Variants in RCAN3 observed in about 807,000 individuals in gnomAD.
RCAN3 encodes the protein regulator of calcineurin 3.
RCAN3 carries 19 observed loss-of-function variants against 21.9 expected under a neutral mutation model. The ratio of observed to expected loss-of-function variants is 0.87; its 90% CI spans 0.61 to 1.27. The LOEUF (loss-of-function observed/expected upper bound fraction) is 1.27. RCAN3 is among the 50% of genes most tolerant of loss of function. The pLI, the probability that RCAN3 is intolerant of heterozygous loss-of-function variation, is 0.00. For synonymous variants in RCAN3, 114 were observed against 112.3 expected, an observed-to-expected ratio of 1.01 and a Z score of -0.09; for missense variants, 240 against 300.1, an observed-to-expected ratio of 0.80 and a Z score of 1.48.
intron 1 of RCAN3, among the ~76,000 whole-genome samples, chr1:24,511,259 G>T (rs1472597429): frequency 6.6e-6 from 1 of 152,166 alleles, no homozygotes; most frequent in Non-Finnish European, 1.5e-5. Flanking sequence ...GCTGCAGTGA[G>T]CCAAGATAGC....
intron 1 of RCAN3, among the ~76,000 whole-genome samples, chr1:24,512,688 C>T (rs886834480): frequency 1.3e-5 from 2 of 152,134 alleles, no homozygotes; most frequent in Non-Finnish European, 2.9e-5. Flanking sequence ...GGAAAAATCA[C>T]AAATCAGGTG....
chr1:24,510,272 A>C (rs948446112), intron 1 of RCAN3, among the ~76,000 whole-genome samples: 2 of 152,208 alleles, frequency 1.3e-5, no homozygotes, highest in Non-Finnish European at 2.9e-5. Flanking sequence ...CTGTCCTTCG[A>C]AGCTTTGAAG....
chr1:24,531,977 G>C (rs567712570), intron 3 of RCAN3, among the ~76,000 whole-genome samples: 3 of 151,970 alleles, frequency 2.0e-5, no homozygotes, highest in Non-Finnish European at 2.9e-5. Context: ...GAGATTACTC[G>C]TGTATTAAAT....
At chr1:24,527,728 C>T (rs957760563) in intron 2 of RCAN3, among the ~76,000 whole-genome samples, 1 of 152,062 alleles carries the variant, frequency 6.6e-6, no homozygotes, top group African/African-American at 2.4e-5. Context: ...TTACCATTGC[C>T]AAGCCTAAGG....
chr1:24,526,182 C>G (rs1332433692), intron 2 of RCAN3, among the ~76,000 whole-genome samples: 2 of 152,084 alleles, frequency 1.3e-5, no homozygotes, highest in South Asian at 2.1e-4. Flanking sequence ...GCCTCGAACT[C>G]CTGGGTTCAA....
intron 1 of RCAN3, among the ~76,000 whole-genome samples, chr1:24,505,243 T>TTTTTTTTTTTTTTTTTTTTTTG: frequency 7.0e-6 from 1 of 143,242 alleles, no homozygotes; most frequent in Non-Finnish European, 1.5e-5. Flanking sequence ...TTTTTTTTTT[T>TTTTTTTTTTTTTTTTTTTTTTG]TTTTTTTTTT....
intron 1 of RCAN3, among the ~76,000 whole-genome samples, chr1:24,508,873 A>G (rs930931518): frequency 2.0e-5 from 3 of 152,196 alleles, no homozygotes; most frequent in Non-Finnish European, 4.4e-5. Context: ...AAAAAATACT[A>G]ATGATCGGTT....
chr1:24,505,225 C>CTTTTTTTTT lies in RCAN3; in HGVS notation c.-60+2081_-60+2082insTTTTTTTTT, dbSNP rs1351108344. ...GTTGTTGCTTTGTTTTTTTTTTTCT[C>CTTTTTTTTT]TTTTTTCTTTTTTTTTTTTTTTTTT... On this transcript the variant is annotated intron_variant, in intron 1 of 4. Transcript: ENST00000374395. Among the ~76,000 whole-genome samples the CTTTTTTTTT allele has an allele frequency of 4.7e-4, 51 of 109,542 alleles. 1 individual carries two copies. Among genetic ancestry groups the CTTTTTTTTT allele is most frequent in the East Asian group, 1.1e-3 (4 of 3,544 alleles). 71.9% of individuals were successfully genotyped at this position (109,542 alleles called of 152,430 possible). A position where few individuals can be genotyped will look rare whatever the true frequency, so the allele number is the denominator to read the frequency against.
intron 1 of RCAN3, 22 bp downstream of exon 1, chr1:24,503,172 G>A (rs1261559886): frequency 6.8e-6 from 1 of 147,584 alleles, no homozygotes; most frequent in African/African-American, 2.5e-5. Flanking sequence ...GCGCGGGGCG[G>A]GGCGGGGCGG....
In RCAN3 at chr1:24,537,396, A is replaced by T. The variant is rs1048573362; in HGVS notation, c.*2119A>T. On this transcript the variant is annotated 3_prime_UTR_variant, in exon 5 of 5. Coordinates refer to ENST00000374395, the MANE Select transcript of RCAN3 (RefSeq NM_013441.4). Reference sequence around the variant, plus strand: ...TTTCTAGTATAATATAATAAAATGAATTTTTTTAAAAAAGCTACTAAGTAC... The same window carrying T: ...TTTCTAGTATAATATAATAAAATGATTTTTTTTAAAAAAGCTACTAAGTAC... The T allele has an allele frequency of 3.9e-5, 6 of 152,080 alleles. No individual in the cohort carries two copies. The highest frequency in any genetic ancestry group is 1.4e-4 in the African/African-American group (6 of 41,426). 9.4% of individuals were successfully genotyped at this position (152,080 alleles called of 1,614,324 possible).
chr1:24,507,951 G>A lies in RCAN3; in HGVS notation c.-60+4801G>A, dbSNP rs953396208. Among the ~76,000 whole-genome samples the A allele has an allele frequency of 7.2e-5, 11 of 152,294 alleles. 1 individual carries two copies. The highest frequency in any genetic ancestry group is 1.0e-4 in the Non-Finnish European group (7 of 68,020). ...GTTAGCTAGGTGTGTGATGGCATGTGCCTGTAGTCCCAGCTACTCGGGAGG... is the reference window on the plus strand; with the variant it reads ...GTTAGCTAGGTGTGTGATGGCATGTACCTGTAGTCCCAGCTACTCGGGAGG... On this transcript the variant is annotated intron_variant, in intron 1 of 4. Coordinates refer to ENST00000374395, the MANE Select transcript of RCAN3 (RefSeq NM_013441.4).
intron 1 of RCAN3, among the ~76,000 whole-genome samples, chr1:24,512,617 A>G (rs780647107): frequency 1.2e-4 from 19 of 152,168 alleles, no homozygotes; most frequent in African/African-American, 4.1e-4. Context: ...CATAATTACC[A>G]TTCTGTATTA....
intron 2 of RCAN3, among the ~76,000 whole-genome samples, chr1:24,522,563 C>T (rs72884416): frequency 0.044 from 6,723 of 152,224 alleles, 516 homozygotes; most frequent in African/African-American, 0.15. Context: ...AGCTTGAAAA[C>T]GCGACCTGGA....
intron 4 of RCAN3, among the ~76,000 whole-genome samples, chr1:24,534,778 G>A (rs1425991679): frequency 6.6e-6 from 1 of 152,168 alleles, no homozygotes; most frequent in Non-Finnish European, 1.5e-5. Context: ...CCAGCCTGCC[G>A]ACAGAGCGAG....
upstream of RCAN3, among the ~76,000 whole-genome samples, chr1:24,502,732 A>G (rs1304375204): frequency 6.6e-6 from 1 of 150,488 alleles, no homozygotes; most frequent in African/African-American, 2.4e-5. Context: ...GCGCGCGGCG[A>G]GACACCCCCA....
chr1:24,512,194 C>CA lies in RCAN3; in HGVS notation c.-59-2115dup, dbSNP rs1647946066. ...TGAAACCCTGTCTCTACTAAAAATA[C>CA]AAAAATTACCCGGGCATGGTAGCAC... On this transcript the variant is annotated intron_variant, in intron 1 of 4. Coordinates refer to ENST00000374395, the MANE Select transcript of RCAN3 (RefSeq NM_013441.4). Among the ~76,000 whole-genome samples, 6 of 152,050 alleles carry CA rather than the reference C, an allele frequency of 3.9e-5. No homozygotes were observed. The South Asian group carries it at 1.2e-3, about 32-fold the overall frequency.
intron 2 of RCAN3, among the ~76,000 whole-genome samples, chr1:24,521,512 G>C (rs1010593084): frequency 9.9e-5 from 15 of 152,170 alleles, no homozygotes; most frequent in Non-Finnish European, 1.8e-4. Flanking sequence ...TGCTGGAACT[G>C]TGCTACCCTC....
chr1:24,523,067 C>CTT (rs201973981), intron 2 of RCAN3, among the ~76,000 whole-genome samples: 6 of 139,036 alleles, frequency 4.3e-5, no homozygotes, highest in Non-Finnish European at 6.1e-5. Context: ...TGTACACACA[C>CTT]TTTTTTTTTT....
rs202072746 is a variant in RCAN3 at position 24,520,844 on chromosome 1, AAAAAT to A, written c.195+6293_195+6297del. On this transcript the variant is annotated intron_variant, in intron 2 of 4. Transcript: ENST00000374395. The stretch of plus-strand genomic sequence containing the variant: ...ACTTAAAGTATAATAATAATAAAAT[AAAAAT>A]AAAATAAAATAAAATTAAAAGATGT... Among the ~76,000 whole-genome samples the A allele has an allele frequency of 4.9e-3, 739 of 152,094 alleles. 4 individuals carry two copies. Among genetic ancestry groups the A allele is most frequent in the Middle Eastern group, 0.017 (5 of 294 alleles).
Sources: allele counts gnomAD v4.1 joint callset (sites outside exome capture counted in the v4.1 genomes callset), GRCh38; gene constraint gnomAD v4.1.1; transcripts MANE v1.5; gene names NCBI Gene and HGNC (gene_info 2026-07-23, HGNC 2026-07-21).